Variants in VPS13B observed in about 807,000 individuals in gnomAD.
VPS13B encodes intermembrane lipid transfer protein VPS13B.
In VPS13B, 285 loss-of-function variants were observed where a neutral mutation model predicts 426.4. That is an observed-to-expected ratio of 0.67 (90% CI 0.61 to 0.74). VPS13B has a LOEUF of 0.74. Ranked by LOEUF, VPS13B falls within the 30% of genes least tolerant of loss-of-function variation. VPS13B has a pLI of 0.00. For missense variants in VPS13B, 4,537 were observed against 4,782.6 expected (o/e 0.95, Z 1.51); for synonymous variants, 1,676 against 1,676.4 (o/e 1.00, Z 0.01).
In VPS13B at chr8:99,641,828, G is replaced by A; in HGVS notation, c.5238G>A (p.Gln1746=). The part of the protein sequence containing the change: ...NKAAEISKQE[Q]KKVDIFDGGM... ...TCTTACAGATCTCTAAACAAGAACAGAAAAAAGTGGATATATTTGATGGAG... is the reference window on the plus strand; with the variant it reads ...TCTTACAGATCTCTAAACAAGAACAAAAAAAAGTGGATATATTTGATGGAG... Residue 1746 remains glutamine (Q), a synonymous_variant, in exon 34 of 62, where the codon CAG becomes CAA. Coordinates refer to ENST00000357162, the MANE Select transcript of VPS13B (RefSeq NM_152564.5). The A allele has an allele frequency of 6.2e-7, 1 of 1,611,054 alleles. No homozygotes were observed. The highest frequency in any genetic ancestry group is 8.5e-7 in the Non-Finnish European group (1 of 1,177,862).
At chr8:99,319,254 G>T (rs750094199) in intron 19 of VPS13B, among the ~76,000 whole-genome samples, 2 of 152,132 alleles carry the variant, frequency 1.3e-5, no homozygotes, top group Non-Finnish European at 2.9e-5. Flanking sequence ...TATTGGCAAT[G>T]AATATCCTCA....
intron 17 of VPS13B, among the ~76,000 whole-genome samples, chr8:99,246,911 G>A (rs190903156): frequency 2.6e-5 from 4 of 151,570 alleles, no homozygotes; most frequent in East Asian, 3.9e-4. Context: ...CACATATTTC[G>A]TGTTTGTTGG....
chr8:99,236,699 G>A (rs2132873686), intron 17 of VPS13B, among the ~76,000 whole-genome samples: 1 of 152,310 alleles, frequency 6.6e-6, no homozygotes. Context: ...AATACAGACA[G>A]CAGTGATCTT....
chr8:99,065,441 G>A (rs372938107), intron 3 of VPS13B, among the ~76,000 whole-genome samples: 2 of 152,098 alleles, frequency 1.3e-5, no homozygotes, highest in South Asian at 4.2e-4. Context: ...ATGCAGAAAA[G>A]GCCTTCGACA....
In VPS13B at chr8:99,853,886, T is replaced by C. The variant is rs781420614; in HGVS notation, c.10497T>C (p.Phe3499=). The C allele has an allele frequency of 1.9e-6, 3 of 1,614,122 alleles. No homozygotes were observed. In the Admixed American group the frequency reaches 5.0e-5, roughly 27 times the overall value. The change falls in exon 56 of 62, where the codon TTT becomes TTC. Residue 3499 remains phenylalanine, a synonymous_variant. Coordinates refer to ENST00000357162, the MANE Select transcript of VPS13B (RefSeq NM_152564.5). ...SILCDINEFS[F]ELKPARLYVE... ...TCTGTGATATTAATGAGTTCAGCTT[T>C]GAATTAAAACCTGCTCGGTTATACG... is the stretch of plus-strand genomic sequence containing the variant.
At chr8:99,392,006 C>T (rs1043818317) in intron 21 of VPS13B, among the ~76,000 whole-genome samples, 6 of 152,216 alleles carry the variant, frequency 3.9e-5, no homozygotes, top group Non-Finnish European at 8.8e-5. Context: ...GGCGCTGTGT[C>T]TCCTTTGCAA....
intron 42 of VPS13B, among the ~76,000 whole-genome samples, chr8:99,779,917 T>C (rs1328441462): frequency 6.6e-6 from 1 of 152,194 alleles, no homozygotes; most frequent in East Asian, 1.9e-4. Context: ...CATCCCCCAC[T>C]GACCTCCTTT....
Position 99,156,653 on chromosome 8 carries a change from G to A in VPS13B, c.2118G>A (p.Met706Ile). Reference sequence around the variant, plus strand: ...TTAATCTGGAACATTCAGTGCCAATGTATGCTGAACAGTTGGTGCATGTGG... The same window carrying A: ...TTAATCTGGAACATTCAGTGCCAATATATGCTGAACAGTTGGTGCATGTGG... ...DKINLEHSVP[M>I]YAEQLVHVVS... The change falls in exon 15 of 62, where the codon ATG (methionine) becomes ATA (isoleucine). Residue 706 changes from methionine (M) to isoleucine (I), a missense_variant. Physicochemically the swap from Met to Ile is conservative, Grantham distance 10. Coordinates refer to ENST00000357162, the MANE Select transcript of VPS13B (RefSeq NM_152564.5). 6.2e-7 allele frequency: 1 copy of A among 1,614,092 alleles called. No homozygotes were observed. Among genetic ancestry groups the A allele is most frequent in the Non-Finnish European group, 8.5e-7 (1 of 1,179,922 alleles).
intron 24 of VPS13B, among the ~76,000 whole-genome samples, chr8:99,480,349 A>T (rs905608761): frequency 6.6e-6 from 1 of 152,222 alleles, no homozygotes; most frequent in Non-Finnish European, 1.5e-5. Context: ...AAGGAATCAG[A>T]AGTAGTGACA....
chr8:99,506,937 C>A (rs1438987904), intron 27 of VPS13B, among the ~76,000 whole-genome samples, 200 bp from the exon 28 acceptor site: 1 of 152,188 alleles, frequency 6.6e-6, no homozygotes, highest in Non-Finnish European at 1.5e-5. Context: ...ACATAATTTA[C>A]CATGAAGACA....
chr8:99,423,200 C>A (rs1379351023), intron 21 of VPS13B, among the ~76,000 whole-genome samples: 2 of 151,886 alleles, frequency 1.3e-5, no homozygotes, highest in African/African-American at 4.8e-5. Context: ...ACCCTCACAA[C>A]TTTTACTATT....
chr8:99,831,068 G>GTTTTTTTTTTTT (rs920493972), intron 51 of VPS13B, among the ~76,000 whole-genome samples: 14 of 98,154 alleles, frequency 1.4e-4, no homozygotes, highest in Non-Finnish European at 1.9e-4. Context: ...GGGAATTGGT[G>GTTTTTTTTTTTT]TTTTTTTCTT....
intron 19 of VPS13B, among the ~76,000 whole-genome samples, chr8:99,370,604 G>GC (rs1813122284): frequency 7.1e-6 from 1 of 140,412 alleles, no homozygotes; most frequent in African/African-American, 2.6e-5. Context: ...TGAGTGAAGG[G>GC]CTTTTTTTTT....
chr8:99,792,481 T>A (rs1297918633), intron 43 of VPS13B, among the ~76,000 whole-genome samples: 1 of 152,040 alleles, frequency 6.6e-6, no homozygotes, highest in Non-Finnish European at 1.5e-5. Flanking sequence ...TTAATCAGAT[T>A]AAAAACCCTA....
At chr8:99,573,095 T>C (rs1825572158) in intron 31 of VPS13B, among the ~76,000 whole-genome samples, 1 of 152,248 alleles carries the variant, frequency 6.6e-6, no homozygotes, top group Admixed American at 6.5e-5. Flanking sequence ...GCTGCATAAA[T>C]GTCTTCTTTT....
intron 13 of VPS13B, among the ~76,000 whole-genome samples, chr8:99,147,079 G>C (rs1810771961): frequency 6.6e-6 from 1 of 151,922 alleles, no homozygotes; most frequent in African/African-American, 2.4e-5. Flanking sequence ...CAGGAGGAAG[G>C]GGGAACAAGA....
chr8:99,586,897 A>G (rs1826330486), intron 33 of VPS13B, among the ~76,000 whole-genome samples: 1 of 152,170 alleles, frequency 6.6e-6, no homozygotes, highest in Admixed American at 6.6e-5. Flanking sequence ...TTACATATGT[A>G]TACATGTGCC....
At chr8:99,254,347 T>C (rs1356271215) in intron 17 of VPS13B, among the ~76,000 whole-genome samples, 1 of 152,094 alleles carries the variant, frequency 6.6e-6, no homozygotes, top group African/African-American at 2.4e-5. Flanking sequence ...TTAAAGCAAT[T>C]GAAAAATGTC....
In VPS13B at chr8:99,720,553, G is replaced by T. The variant is rs202046738; in HGVS notation, c.6865+1G>T. The T allele has an allele frequency of 3.7e-6, 6 of 1,613,666 alleles. No homozygotes were observed. The East Asian group carries it at 1.1e-4, about 30-fold the overall frequency. The stretch of plus-strand genomic sequence containing the variant: ...CTATTTCAGTATGTACAGGATGCTG[G>T]TAAGTAGCAACAGACTCAGTATGAG... On this transcript the variant is annotated splice_donor_variant, in intron 38 of 61. Coordinates refer to ENST00000357162, the MANE Select transcript of VPS13B (RefSeq NM_152564.5). LOFTEE classifies it high-confidence loss of function.
Sources: gnomAD v4.1 joint callset for allele counts (sites outside exome capture counted in the v4.1 genomes callset) on GRCh38, gnomAD v4.1.1 for gene constraint, MANE v1.5 for transcripts, NCBI Gene and HGNC (gene_info 2026-07-23, HGNC 2026-07-21) for gene names.